BRIP1: variants seen among roughly 807,000 people sequenced by gnomAD.
BRIP1 encodes Fanconi anemia group J protein.
Under a neutral mutation model 119.7 loss-of-function variants are expected in BRIP1, and 88 were observed. The ratio of observed to expected loss-of-function variants is 0.74; its 90% confidence interval spans 0.62 to 0.88. The LOEUF (loss-of-function observed/expected upper bound fraction) is 0.88. BRIP1 is among the 40% of genes least tolerant of loss of function. The probability of loss-of-function intolerance (pLI) is 0.00; values close to 1 mark genes in which losing one functional copy is unlikely to be tolerated. For synonymous variants in BRIP1, 443 were observed against 496.5 expected (o/e 0.89, Z 1.43); for missense variants, 1,259 against 1,455.4 (o/e 0.87, Z 2.20).
chr17:61,815,268 G>C lies in BRIP1; in HGVS notation c.628-6511C>G, dbSNP rs1002833638. Among the ~76,000 whole-genome samples, 3 of 152,034 alleles carry C rather than the reference G, an allele frequency of 2.0e-5. No individual in the cohort carries two copies. Among genetic ancestry groups the C allele is most frequent in the African/African-American group, 4.8e-5 (2 of 41,406 alleles). On this transcript the variant is annotated intron_variant, in intron 6 of 19. Transcript: ENST00000259008. The surrounding 1 kb of genome is among the most constrained non-coding windows in gnomAD (Gnocchi z 4.1). ...TGGGTTCTCAAATTAGGGTCCATGG[G>C]CTATTACAGATCACCCAGAAACTAC...
intron 14 of BRIP1, among the ~76,000 whole-genome samples, chr17:61,765,165 C>A (rs903260429): frequency 1.3e-5 from 2 of 150,798 alleles, no homozygotes; most frequent in Non-Finnish European, 1.5e-5. Flanking sequence ...TCTGTCCAGT[C>A]TGTGGTATTC....
At position 61,792,509 on chromosome 17, in the gene BRIP1, C is replaced by CA. The variant is rs541959834; in HGVS notation, c.1473+1087dup. Among the ~76,000 whole-genome samples, 401 of 151,842 alleles carry CA rather than the reference C, an allele frequency of 2.6e-3. 4 individuals are homozygous for CA. The highest frequency in any genetic ancestry group is 1.0e-3 in the South Asian group (5 of 4,812). ...TATAAGAAGAAATGAGCTATCAAGGCAAAAAAATACATGGAGGAATCTTAT... is the reference window on the plus strand; with the variant it reads ...TATAAGAAGAAATGAGCTATCAAGGCAAAAAAAATACATGGAGGAATCTTAT... On this transcript the variant is annotated intron_variant, in intron 10 of 19. Coordinates refer to ENST00000259008, the MANE Select transcript of BRIP1 (RefSeq NM_032043.3).
chr17:61,785,296 T>C lies in BRIP1; in HGVS notation c.1474-872A>G, dbSNP rs140929663. ...TGTATGTTAACTGGTTCTTTGGTCT[T>C]TACATGGCTCATAAGTTTTAATATG... On this transcript the variant is annotated intron_variant, in intron 10 of 19. Transcript: ENST00000259008. 5.1e-3 allele frequency among the ~76,000 whole-genome samples: 773 copies of C among 152,288 alleles called. 4 individuals carry two copies. The highest frequency in any genetic ancestry group is 0.01 in the Middle Eastern group (3 of 294).
At chr17:61,838,281 G>A (rs976081382) in intron 6 of BRIP1, among the ~76,000 whole-genome samples, 3 of 151,982 alleles carry the variant, frequency 2.0e-5, no homozygotes, top group Non-Finnish European at 2.9e-5. Context: ...TAGATATAAC[G>A]TATCTCCTGA....
chr17:61,745,948 G>T lies in BRIP1; in HGVS notation c.2098-1357C>A, dbSNP rs972339249. On this transcript the variant is annotated intron_variant, in intron 14 of 19. Coordinates refer to ENST00000259008, the MANE Select transcript of BRIP1 (RefSeq NM_032043.3). This position sits in a 1 kb window ranked among gnomAD's most constrained non-coding sequence, Gnocchi z 4.4. ...AGCTGAATAAATGAAAAAGACAAAA[G>T]CTAATATTAGAGATTATTATTTAAA... Among the ~76,000 whole-genome samples, 1 of 152,004 alleles carries T rather than the reference G, an allele frequency of 6.6e-6. No individual in the cohort carries two copies. The highest frequency in any genetic ancestry group is 1.5e-5 in the Non-Finnish European group (1 of 68,002).
In BRIP1 at chr17:61,803,836, T is replaced by C. The variant is rs2078032348; in HGVS notation, c.919-2362A>G. On this transcript the variant is annotated intron_variant, in intron 7 of 19. Transcript: ENST00000259008. This position sits in a 1 kb window ranked among gnomAD's most constrained non-coding sequence, Gnocchi z 4.3. Reference sequence around the variant, plus strand: ...ATTTTACCATTAATGTGAATAGATGTACCCTGTACTGTTAAATAGCCAAAA... The same window carrying C: ...ATTTTACCATTAATGTGAATAGATGCACCCTGTACTGTTAAATAGCCAAAA... Among the ~76,000 whole-genome samples the C allele has an allele frequency of 6.6e-6, 1 of 152,132 alleles. No homozygotes were observed. The highest frequency in any genetic ancestry group is 1.5e-5 in the Non-Finnish European group (1 of 68,010).
At position 61,700,754 on chromosome 17, in the gene BRIP1, C is replaced by T. The variant is rs1477959694; in HGVS notation, c.2493-7242G>A. ...ATATTCTTTCTATTCTTTTTTCTCT[C>T]CTCTCCTTCTGGGACTCCAAATATG... On this transcript the variant is annotated intron_variant, in intron 17 of 19. Transcript: ENST00000259008. This position sits in a 1 kb window ranked among gnomAD's most constrained non-coding sequence, Gnocchi z 4.1. Among the ~76,000 whole-genome samples the T allele has an allele frequency of 1.3e-5, 2 of 151,994 alleles. No individual in the cohort carries two copies. The highest frequency in any genetic ancestry group is 2.9e-5 in the Non-Finnish European group (2 of 67,990).
In BRIP1 at chr17:61,684,203, A is replaced by T; in HGVS notation, c.2906-63T>A. 1 of 1,543,504 alleles carries T rather than the reference A, an allele frequency of 6.5e-7. No homozygotes were observed. Among genetic ancestry groups the T allele is most frequent in the South Asian group, 1.2e-5 (1 of 85,352 alleles). On this transcript the variant is annotated intron_variant, in intron 19 of 19. Transcript: ENST00000259008. The surrounding 1 kb of genome is among the most constrained non-coding windows in gnomAD (Gnocchi z 4.5). ...TCCTAGCTAACATAATTGCTAGGTT[A>T]AAATAATTATTTATTAGAAATACCT...
At chr17:61,749,486 T>C (rs2077104108) in intron 14 of BRIP1, among the ~76,000 whole-genome samples, 1 of 151,762 alleles carries the variant, frequency 6.6e-6, no homozygotes, top group Non-Finnish European at 1.5e-5. Context: ...GGTTAACAGG[T>C]ATATGGAAAG....
In BRIP1 at chr17:61,769,691, C is replaced by A. The variant is rs1041919693; in HGVS notation, c.2097+6710G>T. On this transcript the variant is annotated intron_variant, in intron 14 of 19. Coordinates refer to ENST00000259008, the MANE Select transcript of BRIP1 (RefSeq NM_032043.3). This position sits in a 1 kb window ranked among gnomAD's most constrained non-coding sequence, Gnocchi z 4.9. ...AGTTAAACAAACTAAAAATCAATTA[C>A]TTTTCTGGGATCCATCTGAGAACTG... is the stretch of plus-strand genomic sequence containing the variant. 6.6e-6 allele frequency among the ~76,000 whole-genome samples: 1 copy of A among 152,172 alleles called. No individual in the cohort carries two copies. Among genetic ancestry groups the A allele is most frequent in the Non-Finnish European group, 1.5e-5 (1 of 68,030 alleles).
At chr17:61,716,836 T>TTTCCACTACTGGAAA (rs2061886136) in intron 16 of BRIP1, among the ~76,000 whole-genome samples, 3 of 14,770 alleles carry the variant, frequency 2.0e-4, no homozygotes, top group African/African-American at 1.3e-3. Context: ...TACTGGATTA[T>TTTCCACTACTGGAAA]TAGCTATGTC....
At chr17:61,721,066 G>A (rs760407077) in intron 16 of BRIP1, among the ~76,000 whole-genome samples, 3 of 151,722 alleles carry the variant, frequency 2.0e-5, no homozygotes, top group Non-Finnish European at 2.9e-5. Context: ...GGTCTCAAAC[G>A]CCTGACCTCA....
At chr17:61,777,662 G>C (rs1483874447) in intron 13 of BRIP1, among the ~76,000 whole-genome samples, 1 of 152,084 alleles carries the variant, frequency 6.6e-6, no homozygotes, top group African/African-American at 2.4e-5. Context: ...AAAGGATACA[G>C]ATAAAGAGAT....
chr17:61,693,663 C>T lies in BRIP1; in HGVS notation c.2493-151G>A. 1 of 670,052 alleles carries T rather than the reference C, an allele frequency of 1.5e-6. No individual in the cohort carries two copies. The highest frequency in any genetic ancestry group is 2.6e-5 in the Admixed American group (1 of 38,106). 41.5% of individuals were successfully genotyped at this position (670,052 alleles called of 1,614,324 possible). On this transcript the variant is annotated intron_variant, in intron 17 of 19. Coordinates refer to ENST00000259008, the MANE Select transcript of BRIP1 (RefSeq NM_032043.3). This position sits in a 1 kb window ranked among gnomAD's most constrained non-coding sequence, Gnocchi z 4.2. ...CAGAAAAGTTACAGAAGCTATCCAACACAATGTAACAAACTAGATGTATTA... is the reference window on the plus strand; with the variant it reads ...CAGAAAAGTTACAGAAGCTATCCAATACAATGTAACAAACTAGATGTATTA...
rs1470355117 is a variant in BRIP1, at chr17:61,739,599, A to G, written c.2379+3414T>C. Among the ~76,000 whole-genome samples, 3 of 152,218 alleles carry G rather than the reference A, an allele frequency of 2.0e-5. No individual in the cohort carries two copies. Among genetic ancestry groups the G allele is most frequent in the African/African-American group, 7.2e-5 (3 of 41,446 alleles). ...TAATGTTACCTAAAGACTGCTACGG[A>G]CTAGAAAAATAAAAGAAAAATTATC... On this transcript the variant is annotated intron_variant, in intron 16 of 19. Coordinates refer to ENST00000259008, the MANE Select transcript of BRIP1 (RefSeq NM_032043.3). The surrounding 1 kb of genome is among the most constrained non-coding windows in gnomAD (Gnocchi z 6.0).
At position 61,789,214 on chromosome 17, in the gene BRIP1, C is replaced by T. The variant is rs929620729; in HGVS notation, c.1473+4383G>A. ...ACCAGAAATCCAAGGTTACAGTGAG[C>T]TATGAATGCACCATTGCACTTCATT... On this transcript the variant is annotated intron_variant, in intron 10 of 19. Transcript: ENST00000259008. This position sits in a 1 kb window ranked among gnomAD's most constrained non-coding sequence, Gnocchi z 4.8. Among the ~76,000 whole-genome samples the T allele has an allele frequency of 6.6e-6, 1 of 151,684 alleles. No homozygotes were observed. Among genetic ancestry groups the T allele is most frequent in the African/African-American group, 2.4e-5 (1 of 41,268 alleles).
chr17:61,736,202 C>T lies in BRIP1; in HGVS notation c.2379+6811G>A, dbSNP rs928459522. Among the ~76,000 whole-genome samples, 1 of 151,432 alleles carries T rather than the reference C, an allele frequency of 6.6e-6. No homozygotes were observed. Among genetic ancestry groups the T allele is most frequent in the African/African-American group, 2.4e-5 (1 of 41,156 alleles). The stretch of plus-strand genomic sequence containing the variant: ...GTTTAGCCAGGTGTGGTGGCACATG[C>T]CTACAGTCCTAGCTACCCAGGAGAC... On this transcript the variant is annotated intron_variant, in intron 16 of 19. Coordinates refer to ENST00000259008, the MANE Select transcript of BRIP1 (RefSeq NM_032043.3). The surrounding 1 kb of genome is among the most constrained non-coding windows in gnomAD (Gnocchi z 4.4).
In BRIP1 at chr17:61,776,531, T is replaced by G. The variant is rs1322017079; in HGVS notation, c.1967A>C (p.Lys656Thr). 1 of 1,614,038 alleles carries G rather than the reference T, an allele frequency of 6.2e-7. No homozygotes were observed. The highest frequency in any genetic ancestry group is 8.5e-7 in the Non-Finnish European group (1 of 1,180,020). The change falls in exon 14 of 20, where the codon AAG becomes ACG. Residue 656 changes from lysine (K) to threonine (T), a missense_variant. Physicochemically the swap from Lys to Thr is moderately conservative, Grantham distance 78 (BLOSUM62 -1). Coordinates refer to ENST00000259008, the MANE Select transcript of BRIP1 (RefSeq NM_032043.3). The surrounding 1 kb of genome is among the most constrained non-coding windows in gnomAD (Gnocchi z 5.0). Reference sequence around the variant, plus strand: ...GAAGGTAGCACAGAGATTCCGACCCTTGGGGCCTGACCCAATGGTACCAAC... The same window carrying G: ...GAAGGTAGCACAGAGATTCCGACCCGTGGGGCCTGACCCAATGGTACCAAC... ...VWVGTIGSGP[K>T]GRNLCATFQN...
rs576657127 is a variant in BRIP1 at position 61,789,687 on chromosome 17, T to G, written c.1473+3910A>C. Reference sequence around the variant, plus strand: ...AGAATAAGTACACTCATAAAAATGCTACACCGCAATTAAAAATTATGTGAA... The same window carrying G: ...AGAATAAGTACACTCATAAAAATGCGACACCGCAATTAAAAATTATGTGAA... On this transcript the variant is annotated intron_variant, in intron 10 of 19. Transcript: ENST00000259008. This position sits in a 1 kb window ranked among gnomAD's most constrained non-coding sequence, Gnocchi z 4.8. 6.6e-6 allele frequency among the ~76,000 whole-genome samples: 1 copy of G among 152,286 alleles called. No homozygotes were observed. Among genetic ancestry groups the G allele is most frequent in the East Asian group, 1.9e-4 (1 of 5,188 alleles).
Sources: gnomAD v4.1 joint callset for allele counts (sites outside exome capture counted in the v4.1 genomes callset) on GRCh38, gnomAD v4.1.1 for gene constraint, Gnocchi (gnomAD v3.1) non-coding constraint, MANE v1.5 for transcripts, NCBI Gene and HGNC (gene_info 2026-07-23, HGNC 2026-07-21) for gene names.